The following UTRN variants were observed in gnomAD, a reference collection of about 807,000 sequenced individuals.
UTRN encodes the protein dystrophin-related protein 1.
In UTRN, 283 loss-of-function variants were observed where a neutral mutation model predicts 463.9. The ratio of observed to expected loss-of-function variants is 0.61; its 90% CI spans 0.55 to 0.67. The LOEUF is 0.67. Among genes scored for constraint, UTRN ranks in the 30% least tolerant of loss-of-function variants. UTRN has a pLI of 0.00. For synonymous variants in UTRN, 1,442 were observed against 1,431.5 expected (o/e 1.01, Z -0.17); for missense variants, 3,922 against 4,084.3 (o/e 0.96, Z 1.08).
chr6:144,375,037 C>G (rs4574662), intron 2 of UTRN, among the ~76,000 whole-genome samples: 72,260 of 151,054 alleles, frequency 0.48, 20,217 homozygotes, highest in Non-Finnish European at 0.62. Flanking sequence ...CATGTTTTCT[C>G]CCATAGTTAA....
chr6:144,554,538 A>T, intron 48 of UTRN, 150 bp from the exon 49 acceptor site: 2 of 759,442 alleles, frequency 2.6e-6, no homozygotes, highest in Non-Finnish European at 4.1e-6. Flanking sequence ...AGGATGGCAG[A>T]TGTATATTAA....
rs1161772170 is a variant in UTRN, at chr6:144,836,472, G to A, written c.9996G>A (p.Met3332Ile). The change falls in exon 71 of 75, where the codon ATG becomes ATA. Residue 3332 changes from methionine to isoleucine, a missense_variant. Around this residue, in one of 3 missense-constraint regions of UTRN, gnomAD observed 1,309 missense variants for 1,452.6 expected, o/e 0.90. Transcript: ENST00000367545. ...ACAAAGGTCGGCTGGAGGCTAGGATGCAGATTTTAGAAGATCACAATAAAC... is the reference window on the plus strand; with the variant it reads ...ACAAAGGTCGGCTGGAGGCTAGGATACAGATTTTAGAAGATCACAATAAAC... ...RQHKGRLEAR[M>I]QILEDHNKQL... 3 of 1,613,066 alleles carry A rather than the reference G, an allele frequency of 1.9e-6. No individual in the cohort carries two copies. Among genetic ancestry groups the A allele is most frequent in the Admixed American group, 3.3e-5 (2 of 59,990 alleles).
chr6:144,667,929 A>G (rs1031198813), intron 51 of UTRN, among the ~76,000 whole-genome samples: 1 of 151,992 alleles, frequency 6.6e-6, no homozygotes, highest in Non-Finnish European at 1.5e-5. Context: ...CAAAAGATTC[A>G]ACAATCTCAG....
chr6:144,678,400 G>A lies in UTRN; in HGVS notation c.7480-6G>A. 3 of 1,608,656 alleles carry A rather than the reference G, an allele frequency of 1.9e-6. No individual in the cohort carries two copies. The highest frequency in any genetic ancestry group is 8.5e-7 in the Non-Finnish European group (1 of 1,177,078). On this transcript the variant is annotated splice_region_variant and splice_polypyrimidine_tract_variant and intron_variant, in intron 51 of 74. Coordinates refer to ENST00000367545, the MANE Select transcript of UTRN (RefSeq NM_007124.3). ...TTGCATTATCTATTTGCTTTTTTCT[G>A]TTTAGGACATCCAGGCAGAAATTGA...
chr6:144,633,404 T>C lies in UTRN; in HGVS notation c.7480-45002T>C, dbSNP rs1274584718. 2.6e-5 allele frequency among the ~76,000 whole-genome samples: 4 copies of C among 152,126 alleles called. No individual in the cohort carries two copies. The South Asian group carries it at 8.3e-4, about 32-fold the overall frequency. On this transcript the variant is annotated intron_variant, in intron 51 of 74. Transcript: ENST00000367545. ...GCAACCACGCCCGGCTAATATTTTG[T>C]ATTTTTTTTAGTAAAGACGGCGTTT...
intron 41 of UTRN, among the ~76,000 whole-genome samples, chr6:144,527,491 C>T (rs1585130108): frequency 1.3e-5 from 2 of 152,132 alleles, no homozygotes; most frequent in Non-Finnish European, 2.9e-5. Context: ...GATCTTTTTG[C>T]GATGAGTTTT....
At chr6:144,824,614 CTTTT>C (rs34382974) in intron 66 of UTRN, among the ~76,000 whole-genome samples, 1 of 30,878 alleles carries the variant, frequency 3.2e-5, no homozygotes, top group African/African-American at 1.1e-4. Context: ...ATATATATAT[CTTTT>C]TTTTTTTTTT....
At chr6:144,374,945 C>CAAAAAA (rs757547113) in intron 2 of UTRN, among the ~76,000 whole-genome samples, 1 of 49,184 alleles carries the variant, frequency 2.0e-5, no homozygotes, top group African/African-American at 7.4e-5. Flanking sequence ...GACTCCATCT[C>CAAAAAA]AAAAAAAAAA....
chr6:144,682,267 C>T (rs1782281118), intron 52 of UTRN, among the ~76,000 whole-genome samples: 1 of 152,124 alleles, frequency 6.6e-6, no homozygotes, highest in Admixed American at 6.5e-5. Context: ...CTTTCTGCAC[C>T]TGGTTTATTT....
chr6:144,466,821 T>A (rs1790008046), intron 23 of UTRN, among the ~76,000 whole-genome samples: 1 of 152,258 alleles, frequency 6.6e-6, no homozygotes, highest in South Asian at 2.1e-4. Flanking sequence ...AAATGAAAGA[T>A]GTCCCCAAGG....
rs569406075 is a variant in UTRN at position 144,501,660 on chromosome 6, T to A, written c.4764+2233T>A. On this transcript the variant is annotated intron_variant, in intron 34 of 74. Transcript: ENST00000367545. ...TTTCTCATTTCTCTATTCATGTCCA[T>A]TTAAATTATTACCATTTTCATTATT... is the stretch of plus-strand genomic sequence containing the variant. Among the ~76,000 whole-genome samples the A allele has an allele frequency of 2.0e-5, 3 of 152,330 alleles. No homozygotes were observed. In the South Asian group the frequency reaches 6.2e-4, roughly 32 times the overall value.
At chr6:144,324,935 C>G (rs1386925594) in intron 2 of UTRN, among the ~76,000 whole-genome samples, 1 of 152,178 alleles carries the variant, frequency 6.6e-6, no homozygotes, top group African/African-American at 2.4e-5. Flanking sequence ...AAGTTTGAAG[C>G]TGAAAACTGA....
chr6:144,779,111 A>G (rs1775591257), intron 60 of UTRN, among the ~76,000 whole-genome samples: 1 of 152,224 alleles, frequency 6.6e-6, no homozygotes. Context: ...AGCCTGATGC[A>G]GGAAATGGGC....
At chr6:144,594,096 G>C (rs1406095861) in intron 51 of UTRN, among the ~76,000 whole-genome samples, 1 of 152,062 alleles carries the variant, frequency 6.6e-6, no homozygotes, top group Non-Finnish European at 1.5e-5. Context: ...AATATTTCAA[G>C]CAAAAATGAA....
chr6:144,476,727 C>G (rs1791244065), intron 25 of UTRN, among the ~76,000 whole-genome samples: 1 of 152,080 alleles, frequency 6.6e-6, no homozygotes, highest in Non-Finnish European at 1.5e-5. Context: ...AACAGAAAAT[C>G]GAGCTTTAAA....
chr6:144,295,304 G>A (rs1804581441), intron 2 of UTRN, among the ~76,000 whole-genome samples: 1 of 152,194 alleles, frequency 6.6e-6, no homozygotes, highest in South Asian at 2.1e-4. Context: ...ATTAAAGCTA[G>A]TAACACAGAA....
At chr6:144,795,332 A>G (rs893908264) in intron 63 of UTRN, among the ~76,000 whole-genome samples, 2 of 152,178 alleles carry the variant, frequency 1.3e-5, no homozygotes, top group Admixed American at 1.3e-4. Context: ...CAGTAAACAT[A>G]CGTGCGCATG....
chr6:144,677,281 G>A (rs182150541), intron 51 of UTRN, among the ~76,000 whole-genome samples: 4 of 151,772 alleles, frequency 2.6e-5, no homozygotes, highest in South Asian at 2.1e-4. Flanking sequence ...CCTACCCCCC[G>A]ACATCCCCCG....
Position 144,462,008 on chromosome 6 carries a change from C to T in UTRN, c.2854-646C>T, listed in dbSNP as rs544984335. On this transcript the variant is annotated intron_variant, in intron 22 of 74. Coordinates refer to ENST00000367545, the MANE Select transcript of UTRN (RefSeq NM_007124.3). ...TGTGTCATGGTAGTTTGCTGCACTA[C>T]GTATTAAGCCCAGCATCCATTAGCT... Among the ~76,000 whole-genome samples, 19 of 152,138 alleles carry T rather than the reference C, an allele frequency of 1.2e-4. No homozygotes were observed. The East Asian group carries it at 3.1e-3, about 25-fold the overall frequency.
Sources: allele counts gnomAD v4.1 joint callset (sites outside exome capture counted in the v4.1 genomes callset), GRCh38; gene constraint gnomAD v4.1.1; regional missense constraint gnomAD v4.1.1; transcripts MANE v1.5; gene names NCBI Gene and HGNC (gene_info 2026-07-23, HGNC 2026-07-21).